Variants in THRB observed in about 807,000 individuals in gnomAD.
The protein encoded by THRB is thyroid hormone receptor beta.
In THRB, 12 loss-of-function variants were observed where a neutral mutation model predicts 47.8. The ratio of observed to expected loss-of-function variants is 0.25; its 90% CI spans 0.16 to 0.41. The LOEUF (loss-of-function observed/expected upper bound fraction) is 0.41, where lower values mean the gene tolerates loss of function less well. THRB is among the 10% of genes least tolerant of loss of function. The pLI is 1.00. For missense variants in THRB, 348 were observed against 589.2 expected (o/e 0.59, Z 4.24); for synonymous variants, 218 against 212.2 (o/e 1.03, Z -0.24).
intron 1 of THRB, among the ~76,000 whole-genome samples, chr3:24,376,016 G>A: frequency 6.6e-6 from 1 of 152,032 alleles, no homozygotes; most frequent in East Asian, 1.9e-4. Flanking sequence ...CTCCTCTAGA[G>A]GCCAAAACTT....
At chr3:24,272,933 C>G (rs1351162428) in intron 3 of THRB, among the ~76,000 whole-genome samples, 1 of 152,010 alleles carries the variant, frequency 6.6e-6, no homozygotes, top group Non-Finnish European at 1.5e-5. Context: ...ATTAAATATT[C>G]AGTTTTTTAA....
chr3:24,479,004 T>C (rs980874745), intron 1 of THRB, among the ~76,000 whole-genome samples: 3 of 152,112 alleles, frequency 2.0e-5, no homozygotes, highest in Non-Finnish European at 4.4e-5. Context: ...TGCTGCTAAA[T>C]ATCCTATAAT....
At chr3:24,325,016 T>C (rs1273961728) in intron 2 of THRB, among the ~76,000 whole-genome samples, 1 of 152,254 alleles carries the variant, frequency 6.6e-6, no homozygotes, top group African/African-American at 2.4e-5. Flanking sequence ...GGCTCTTATG[T>C]AGTCAGGGTC....
chr3:24,394,442 C>T (rs1397525204), intron 1 of THRB, among the ~76,000 whole-genome samples: 1 of 152,088 alleles, frequency 6.6e-6, no homozygotes, highest in African/African-American at 2.4e-5. Flanking sequence ...TTCCCTACTT[C>T]CTGGGGAACT....
intron 4 of THRB, among the ~76,000 whole-genome samples, chr3:24,201,134 T>G (rs2044542215): frequency 6.6e-6 from 1 of 152,182 alleles, no homozygotes; most frequent in South Asian, 2.1e-4. Flanking sequence ...TTTTTTTTTT[T>G]TAAGTTTAGG....
rs140612542 is a variant in THRB, at chr3:24,375,490, T to C, written c.-260-38119A>G. On this transcript the variant is annotated intron_variant, in intron 1 of 10. Transcript: ENST00000646209. ...TATTAATATATTATAGTTAGACATA[T>C]AATATTAATATATTATAGTTAGACA... 7.1e-3 allele frequency among the ~76,000 whole-genome samples: 1,036 copies of C among 145,882 alleles called. 17 individuals are homozygous for C. The highest frequency in any genetic ancestry group is 0.025 in the African/African-American group (986 of 40,134).
At chr3:24,206,072 G>A (rs1430637809) in intron 4 of THRB, among the ~76,000 whole-genome samples, 11 of 152,188 alleles carry the variant, frequency 7.2e-5, no homozygotes, top group South Asian at 4.2e-4. Flanking sequence ...ACACCCCACC[G>A]TCAACATTAG....
At chr3:24,183,958 T>C (rs925724486) in intron 5 of THRB, among the ~76,000 whole-genome samples, 1 of 152,226 alleles carries the variant, frequency 6.6e-6, no homozygotes, top group Non-Finnish European at 1.5e-5. Context: ...GATTTTTGAA[T>C]GTGGTTGCAT....
chr3:24,349,071 C>A (rs989951958), intron 1 of THRB, among the ~76,000 whole-genome samples: 3 of 152,020 alleles, frequency 2.0e-5, no homozygotes, highest in African/African-American at 7.2e-5. Context: ...ATACCAACGA[C>A]AAACATTTAG....
At chr3:24,386,445 T>C (rs1479684181) in intron 1 of THRB, among the ~76,000 whole-genome samples, 3 of 152,104 alleles carry the variant, frequency 2.0e-5, no homozygotes, top group African/African-American at 2.4e-5. Flanking sequence ...CAACCTTCTA[T>C]GGCTCCCCAT....
chr3:24,198,859 G>C (rs1242499846), intron 4 of THRB, among the ~76,000 whole-genome samples: 1 of 152,088 alleles, frequency 6.6e-6, no homozygotes, highest in Non-Finnish European at 1.5e-5. Flanking sequence ...ACTCATGGAG[G>C]CATGGGTCAT....
intron 1 of THRB, among the ~76,000 whole-genome samples, chr3:24,342,295 T>C (rs1221957289): frequency 6.6e-6 from 1 of 152,114 alleles, no homozygotes; most frequent in African/African-American, 2.4e-5. Context: ...AGAAAGAGAA[T>C]AATGCAGGGG....
chr3:24,203,677 C>T (rs1478371529), intron 4 of THRB, among the ~76,000 whole-genome samples: 1 of 152,160 alleles, frequency 6.6e-6, no homozygotes, highest in East Asian at 1.9e-4. Context: ...GTGGGTGCAG[C>T]CCACTGAGTG....
At chr3:24,408,243 C>T (rs1394813684) in intron 1 of THRB, among the ~76,000 whole-genome samples, 2 of 151,760 alleles carry the variant, frequency 1.3e-5, no homozygotes, top group Non-Finnish European at 2.9e-5. Flanking sequence ...AGAAATATAT[C>T]CATCAATTTA....
intron 5 of THRB, among the ~76,000 whole-genome samples, chr3:24,177,478 T>C (rs1559519645): frequency 6.6e-6 from 1 of 151,902 alleles, no homozygotes; most frequent in Non-Finnish European, 1.5e-5. Flanking sequence ...ACATTGTCAG[T>C]ATAAATTATG....
chr3:24,421,136 G>A (rs776942367), intron 1 of THRB, among the ~76,000 whole-genome samples: 1 of 151,870 alleles, frequency 6.6e-6, no homozygotes, highest in African/African-American at 2.4e-5. Context: ...TTATAAGTGG[G>A]AGCTAAATGA....
chr3:24,357,359 AAAAAAAAAAAAAAAAC>A (rs1560010640), intron 1 of THRB, among the ~76,000 whole-genome samples: 2 of 147,376 alleles, frequency 1.4e-5, no homozygotes, highest in African/African-American at 5.0e-5. Flanking sequence ...AAAAAAAAAA[AAAAAAAAAAAAAAAAC>A]AAAAAACAAA....
intron 3 of THRB, among the ~76,000 whole-genome samples, chr3:24,244,585 T>G (rs1373980611): frequency 1.3e-5 from 2 of 152,172 alleles, no homozygotes; most frequent in Non-Finnish European, 2.9e-5. Context: ...CAGGTCAGTT[T>G]TGGAAAACAA....
chr3:24,176,400 T>G (rs2041156505), intron 5 of THRB, among the ~76,000 whole-genome samples: 1 of 152,176 alleles, frequency 6.6e-6, no homozygotes, highest in African/African-American at 2.4e-5. Flanking sequence ...CAGAATAGCA[T>G]GTCAGAGATT....
Sources: gnomAD v4.1 joint callset for allele counts (sites outside exome capture counted in the v4.1 genomes callset) on GRCh38, gnomAD v4.1.1 for gene constraint, MANE v1.5 for transcripts, NCBI Gene and HGNC (gene_info 2026-07-23, HGNC 2026-07-21) for gene names.